Variants in PPM1A observed in about 807,000 individuals in gnomAD.
PPM1A encodes protein phosphatase, Mg2+/Mn2+ dependent 1A.
Under a neutral mutation model 35.0 loss-of-function variants are expected in PPM1A, and 7 were observed. That is an observed-to-expected ratio of 0.20 (90% CI 0.11 to 0.38). PPM1A has a LOEUF of 0.38. Ranked by LOEUF, PPM1A falls within the 10% of genes least tolerant of loss-of-function variation. The pLI, the probability that PPM1A is intolerant of heterozygous loss-of-function variation, is 1.00. For missense variants in PPM1A, 239 were observed against 467.8 expected, an observed-to-expected ratio of 0.51 and a Z score of 4.51; for synonymous variants, 153 against 167.3, an observed-to-expected ratio of 0.91 and a Z score of 0.66.
Position 60,249,748 on chromosome 14 carries a change from G to A in PPM1A, c.-21+71G>A, listed in dbSNP as rs988486087. On this transcript the variant is annotated intron_variant, in intron 1 of 5. Coordinates refer to ENST00000395076, the MANE Select transcript of PPM1A (RefSeq NM_021003.5). This position sits in a 1 kb window ranked among gnomAD's most constrained non-coding sequence, Gnocchi z 4.5. ...GCCTGCGCGGCGGCGGCGGCGGGCA[G>A]GCCTGGGGCCTGTAAACAAGCCGGG... is the stretch of plus-strand genomic sequence containing the variant. The A allele has an allele frequency of 1.1e-6, 1 of 922,232 alleles. No individual in the cohort carries two copies. The allele number at this position is 922,232 out of a possible 1,614,324, so 57.1% of individuals were successfully genotyped here. A position where few individuals can be genotyped will look rare whatever the true frequency, so the allele number is the denominator to read the frequency against.
intron 1 of PPM1A, among the ~76,000 whole-genome samples, chr14:60,268,941 CTTTT>C (rs767187097): frequency 7.8e-6 from 1 of 128,624 alleles, no homozygotes; most frequent in Non-Finnish European, 1.7e-5. Flanking sequence ...ATTTCATTTT[CTTTT>C]TTTTTTTTTT....
intron 1 of PPM1A, among the ~76,000 whole-genome samples, chr14:60,274,572 C>G (rs1424888367): frequency 6.6e-6 from 1 of 150,718 alleles, no homozygotes; most frequent in Admixed American, 6.6e-5. Context: ...AACATGGGCA[C>G]CAAAGCTAGT....
intron 3 of PPM1A, chr14:60,287,434 T>C (rs1001986983): frequency 3.1e-5 from 31 of 984,146 alleles, no homozygotes; most frequent in Admixed American, 1.2e-4. Context: ...AGAATAAATA[T>C]TACATTAAAA....
Position 60,283,008 on chromosome 14 carries a change from G to A in PPM1A, c.305G>A (p.Arg102Lys). Residue 102 changes from arginine (R) to lysine (K), a missense_variant, in exon 2 of 6, where the codon AGA becomes AAA. By Grantham distance (26) the Arg-to-Lys change is conservative (BLOSUM62 2). This residue lies in a region of PPM1A where 175 missense variants were observed against 389.2 expected (regional missense o/e 0.45). Transcript: ENST00000395076. This position sits in a 1 kb window ranked among gnomAD's most constrained non-coding sequence, Gnocchi z 6.3. ...GTGGAAAATGTAAAGAATGGAATCA[G>A]AACAGGTTTTCTGGAGATTGATGAA... ...PSVENVKNGI[R>K]TGFLEIDEHM... is the part of the protein sequence containing the mutation. The A allele has an allele frequency of 6.2e-7, 1 of 1,614,220 alleles. No homozygotes were observed. The highest frequency in any genetic ancestry group is 1.1e-5 in the South Asian group (1 of 91,088).
At chr14:60,280,572 G>T (rs1886293503) in intron 1 of PPM1A, among the ~76,000 whole-genome samples, 1 of 152,122 alleles carries the variant, frequency 6.6e-6, no homozygotes, top group South Asian at 2.1e-4. Flanking sequence ...TCTCAAGGTA[G>T]TGGAGTCTTT....
intron 3 of PPM1A, chr14:60,286,295 C>G (rs1886997332): frequency 1.0e-6 from 1 of 985,730 alleles, no homozygotes; most frequent in South Asian, 4.7e-5. Context: ...AGATAGACCT[C>G]AATAAAAGAC....
At position 60,298,754 on chromosome 14, in the gene PPM1A, C is replaced by A. The variant is rs1051836981; in HGVS notation, c.*6272C>A. On this transcript the variant is annotated 3_prime_UTR_variant, in exon 6 of 6. Coordinates refer to ENST00000395076, the MANE Select transcript of PPM1A (RefSeq NM_021003.5). Reference sequence around the variant, plus strand: ...GCATTATATATTCATTTTTTAAACTCTATAAATGTTAAGAATAATATAATT... The same window carrying A: ...GCATTATATATTCATTTTTTAAACTATATAAATGTTAAGAATAATATAATT... 1 of 151,734 alleles carries A rather than the reference C, an allele frequency of 6.6e-6. No individual in the cohort carries two copies. Among genetic ancestry groups the A allele is most frequent in the African/African-American group, 2.4e-5 (1 of 41,386 alleles). The allele number at this position is 151,734 out of a possible 1,614,324, so 9.4% of individuals were successfully genotyped here. A position where few individuals can be genotyped will look rare whatever the true frequency, so the allele number is the denominator to read the frequency against.
chr14:60,272,391 G>T (rs1885233663), intron 1 of PPM1A, among the ~76,000 whole-genome samples: 1 of 150,516 alleles, frequency 6.6e-6, no homozygotes, highest in Non-Finnish European at 1.5e-5. Flanking sequence ...AGTGTTGGGG[G>T]GATGAGGGTG....
At chr14:60,255,168 TTTTTTG>T in intron 1 of PPM1A, among the ~76,000 whole-genome samples, 1 of 106,896 alleles carries the variant, frequency 9.4e-6, no homozygotes, top group Middle Eastern at 4.4e-3. Flanking sequence ...TGTTTTTTTT[TTTTTTG>T]TTTTGTTTTG....
chr14:60,258,443 T>C (rs1883383298), intron 1 of PPM1A, among the ~76,000 whole-genome samples: 1 of 152,166 alleles, frequency 6.6e-6, no homozygotes, highest in South Asian at 2.1e-4. Context: ...TGTGGGCTTT[T>C]AGTCATAACT....
intron 1 of PPM1A, among the ~76,000 whole-genome samples, chr14:60,270,316 T>G (rs565453286): frequency 6.6e-6 from 1 of 152,310 alleles, no homozygotes; most frequent in East Asian, 1.9e-4. Context: ...CATCCCTGTT[T>G]CACAAATTAG....
Position 60,297,173 on chromosome 14 carries a change from G to A in PPM1A, c.*4691G>A, listed in dbSNP as rs1443520246. On this transcript the variant is annotated 3_prime_UTR_variant, in exon 6 of 6. Transcript: ENST00000395076. ...CAATTCCATTTTCTTGAGCAAGAAA[G>A]CTTAGTGTGTTACTTCATCAAGGCC... 1 of 151,332 alleles carries A rather than the reference G, an allele frequency of 6.6e-6. No homozygotes were observed. Among genetic ancestry groups the A allele is most frequent in the Non-Finnish European group, 1.5e-5 (1 of 67,602 alleles). The allele number at this position is 151,332 out of a possible 1,614,324, so 9.4% of individuals were successfully genotyped here.
chr14:60,255,168 TTTTTTGTTTTGTTTTG>T (rs1017406696), intron 1 of PPM1A, among the ~76,000 whole-genome samples: 2 of 106,884 alleles, frequency 1.9e-5, no homozygotes, highest in African/African-American at 1.7e-4. Context: ...TGTTTTTTTT[TTTTTTGTTTTGTTTTG>T]TTTTTGAGAC....
In PPM1A at chr14:60,283,454, T is replaced by A. The variant is rs746447271; in HGVS notation, c.751T>A (p.Cys251Ser). ...GGATGTTATGGGAAATGAAGAGCTCTGTGATTTTGTAAGATCCAGACTTGA... is the reference window on the plus strand; with the variant it reads ...GGATGTTATGGGAAATGAAGAGCTCAGTGATTTTGTAAGATCCAGACTTGA... The part of the protein sequence containing the change: ...IWDVMGNEEL[C>S]DFVRSRLEVT... Residue 251 changes from cysteine to serine, a missense_variant, in exon 2 of 6, where the codon TGT becomes AGT. Coordinates refer to ENST00000395076, the MANE Select transcript of PPM1A (RefSeq NM_021003.5). The surrounding 1 kb of genome is among the most constrained non-coding windows in gnomAD (Gnocchi z 6.3). The A allele has an allele frequency of 6.2e-7, 1 of 1,614,114 alleles. No individual in the cohort carries two copies. The highest frequency in any genetic ancestry group is 8.5e-7 in the Non-Finnish European group (1 of 1,180,030).
chr14:60,275,534 T>A (rs900328376), intron 1 of PPM1A, among the ~76,000 whole-genome samples: 2 of 152,244 alleles, frequency 1.3e-5, no homozygotes, highest in African/African-American at 4.8e-5. Flanking sequence ...TTGCCCAGGC[T>A]GGAGTGCAGT....
intron 1 of PPM1A, among the ~76,000 whole-genome samples, chr14:60,260,835 T>G (rs1304765879): frequency 6.6e-6 from 1 of 152,216 alleles, no homozygotes; most frequent in Non-Finnish European, 1.5e-5. Flanking sequence ...ATGAGATAGC[T>G]ATGAATAAGT....
chr14:60,255,188 TTG>T, intron 1 of PPM1A, among the ~76,000 whole-genome samples: 1 of 128,756 alleles, frequency 7.8e-6, no homozygotes, highest in African/African-American at 3.5e-5. Flanking sequence ...TGTTTTGTTT[TTG>T]AGACAGAGTC....
At chr14:60,259,868 T>C (rs1269313003) in intron 1 of PPM1A, among the ~76,000 whole-genome samples, 1 of 152,098 alleles carries the variant, frequency 6.6e-6, no homozygotes, top group Non-Finnish European at 1.5e-5. Context: ...AGTTTACTTT[T>C]AAAAATTGTG....
At chr14:60,267,120 C>T (rs555772682) in intron 1 of PPM1A, 11 of 152,122 alleles carry the variant, frequency 7.2e-5, no homozygotes, top group Non-Finnish European at 1.5e-4. Flanking sequence ...ATGTCATTAA[C>T]TGCAAATAGT....
Sources: allele counts gnomAD v4.1 joint callset (sites outside exome capture counted in the v4.1 genomes callset), GRCh38; gene constraint gnomAD v4.1.1; regional missense constraint gnomAD v4.1.1; non-coding constraint Gnocchi (gnomAD v3.1); transcripts MANE v1.5; gene names NCBI Gene and HGNC (gene_info 2026-07-23, HGNC 2026-07-21).